AKAP6: variants seen among roughly 807,000 people sequenced by gnomAD.
AKAP6 encodes A-kinase anchor protein 6.
AKAP6 carries 58 observed loss-of-function variants against 188.5 expected under a neutral mutation model. That is an observed-to-expected ratio of 0.31 (90% CI 0.25 to 0.38). The LOEUF (loss-of-function observed/expected upper bound fraction) is 0.38. Ranked by LOEUF, AKAP6 falls within the 10% of genes least tolerant of loss-of-function variation. The pLI is 1.00. For synonymous variants in AKAP6, 989 were observed against 998.6 expected (o/e 0.99, Z 0.18); for missense variants, 2,710 against 2,740.0 (o/e 0.99, Z 0.24).
At chr14:32,767,285 A>C (rs1348940486) in intron 11 of AKAP6, among the ~76,000 whole-genome samples, 2 of 152,106 alleles carry the variant, frequency 1.3e-5, no homozygotes, top group East Asian at 3.9e-4. Context: ...ATGTGAAGTC[A>C]CCTTCTCAGA....
chr14:32,712,744 C>T (rs987633379), intron 9 of AKAP6, among the ~76,000 whole-genome samples: 10 of 152,104 alleles, frequency 6.6e-5, no homozygotes, highest in African/African-American at 2.4e-4. Context: ...ACCTCCAATT[C>T]TAGTTCTCTT....
At chr14:32,715,962 T>C (rs923539398) in intron 9 of AKAP6, among the ~76,000 whole-genome samples, 2 of 151,898 alleles carry the variant, frequency 1.3e-5, no homozygotes, top group Non-Finnish European at 2.9e-5. Flanking sequence ...CTTTACTATG[T>C]AACAGAAATT....
intron 12 of AKAP6, among the ~76,000 whole-genome samples, chr14:32,798,704 G>C (rs1219148143): frequency 6.6e-6 from 1 of 151,998 alleles, no homozygotes. Context: ...GGAAACAATG[G>C]ACACTGGGGA....
chr14:32,481,457 C>T (rs759155949), intron 2 of AKAP6, among the ~76,000 whole-genome samples: 18 of 152,130 alleles, frequency 1.2e-4, no homozygotes, highest in Admixed American at 3.3e-4. Context: ...AATGGACTCA[C>T]GGTTCTACAT....
intron 12 of AKAP6, among the ~76,000 whole-genome samples, chr14:32,803,296 A>C (rs963659110): frequency 6.6e-6 from 1 of 151,810 alleles, no homozygotes; most frequent in Non-Finnish European, 1.5e-5. Flanking sequence ...AAAAAACAAA[A>C]CAAATATTTT....
At chr14:32,360,933 A>T (rs547190214) in intron 1 of AKAP6, among the ~76,000 whole-genome samples, 1 of 151,456 alleles carries the variant, frequency 6.6e-6, no homozygotes, top group Admixed American at 6.6e-5. Flanking sequence ...TTTTTTGTAG[A>T]GATGGGGGTC....
intron 12 of AKAP6, among the ~76,000 whole-genome samples, chr14:32,799,321 C>T (rs191535862): frequency 2.4e-3 from 360 of 152,128 alleles, no homozygotes; most frequent in Non-Finnish European, 3.7e-3. Flanking sequence ...CTTTTATGCT[C>T]TTATTTTTAA....
intron 1 of AKAP6, among the ~76,000 whole-genome samples, chr14:32,346,928 T>C (rs193215577): frequency 1.4e-4 from 21 of 152,352 alleles, no homozygotes; most frequent in African/African-American, 4.8e-4. Flanking sequence ...ATAGGCTTGA[T>C]ACCAAGCTGT....
At chr14:32,649,431 A>G (rs1888117733) in intron 7 of AKAP6, among the ~76,000 whole-genome samples, 1 of 152,176 alleles carries the variant, frequency 6.6e-6, no homozygotes, top group South Asian at 2.1e-4. Context: ...TGGCAGGAGA[A>G]ATGCATGTTA....
chr14:32,453,636 G>C (rs8005914), intron 2 of AKAP6, among the ~76,000 whole-genome samples: 41,599 of 116,478 alleles, frequency 0.36, 11,689 homozygotes, highest in African/African-American at 0.76. Flanking sequence ...TCGTTCTGTC[G>C]CCCAGGCGGG....
intron 1 of AKAP6, among the ~76,000 whole-genome samples, chr14:32,425,283 G>T (rs924991426): frequency 6.6e-6 from 1 of 152,042 alleles, no homozygotes; most frequent in Admixed American, 6.6e-5. Flanking sequence ...TTGGCCACAT[G>T]TATACCTTCT....
chr14:32,379,410 A>T (rs1888271444), intron 1 of AKAP6, among the ~76,000 whole-genome samples: 2 of 152,128 alleles, frequency 1.3e-5, no homozygotes, highest in South Asian at 4.1e-4. Context: ...TTTTACACAG[A>T]GTTGCCTGAG....
At chr14:32,553,357 A>G (rs1883559789) in intron 4 of AKAP6, among the ~76,000 whole-genome samples, 1 of 151,804 alleles carries the variant, frequency 6.6e-6, no homozygotes, top group Non-Finnish European at 1.5e-5. Context: ...TTTTTTTAGT[A>G]GAAACGGGGT....
chr14:32,693,847 T>C lies in AKAP6; in HGVS notation c.2880-2143T>C, dbSNP rs1223447072. Reference sequence around the variant, plus strand: ...ATAGGAGGGTGCAAGGAGAGAGAAATAGGGACTGTAATTCAGGAAGTATTT... The same window carrying C: ...ATAGGAGGGTGCAAGGAGAGAGAAACAGGGACTGTAATTCAGGAAGTATTT... On this transcript the variant is annotated intron_variant, in intron 8 of 13. Coordinates refer to ENST00000280979, the MANE Select transcript of AKAP6 (RefSeq NM_004274.5). The C allele has an allele frequency of 2.0e-5, 3 of 152,154 alleles. No homozygotes were observed. In the East Asian group the frequency reaches 5.8e-4, roughly 29 times the overall value. The allele number at this position is 152,154 out of a possible 1,614,324, so 9.4% of individuals were successfully genotyped here. A position where few individuals can be genotyped will look rare whatever the true frequency, so the allele number is the denominator to read the frequency against.
intron 11 of AKAP6, among the ~76,000 whole-genome samples, chr14:32,757,258 G>A (rs1212822220): frequency 1.3e-4 from 20 of 152,194 alleles, no homozygotes; most frequent in Admixed American, 1.3e-3. Context: ...TGTATGAATA[G>A]TTGTTCAAAT....
At chr14:32,566,802 T>G (rs1314933620) in intron 4 of AKAP6, among the ~76,000 whole-genome samples, 1 of 152,210 alleles carries the variant, frequency 6.6e-6, no homozygotes, top group Admixed American at 6.5e-5. Flanking sequence ...CTAGAAATCT[T>G]TTCTAAAAGA....
chr14:32,363,728 G>A (rs548049910), intron 1 of AKAP6, among the ~76,000 whole-genome samples: 2 of 152,344 alleles, frequency 1.3e-5, no homozygotes, highest in African/African-American at 4.8e-5. Context: ...GGGTGGGTCT[G>A]CCTCTCCTAG....
intron 13 of AKAP6, among the ~76,000 whole-genome samples, chr14:32,825,727 G>T (rs1288895261): frequency 6.6e-6 from 1 of 152,072 alleles, no homozygotes; most frequent in African/African-American, 2.4e-5. Flanking sequence ...TCAAATGTGA[G>T]AGTCATATTT....
At chr14:32,819,727 A>C (rs990834) in intron 12 of AKAP6, among the ~76,000 whole-genome samples, 27,595 of 151,994 alleles carry the variant, frequency 0.18, 3,454 homozygotes, top group African/African-American at 0.36. Context: ...AAGTGGGAGG[A>C]TCACTTGAAT....
Sources: allele counts gnomAD v4.1 joint callset (sites outside exome capture counted in the v4.1 genomes callset), GRCh38; gene constraint gnomAD v4.1.1; transcripts MANE v1.5; gene names NCBI Gene and HGNC (gene_info 2026-07-23, HGNC 2026-07-21).